UGT1A9: variants seen among roughly 807,000 people sequenced by gnomAD.
UGT1A9 encodes the protein UDP glucuronosyltransferase family 1 member A9.
Under a neutral mutation model 45.0 loss-of-function variants are expected in UGT1A9, and 35 were observed. That is an observed-to-expected ratio of 0.78 (90% confidence interval 0.59 to 1.03). The LOEUF is 1.03. Ranked by LOEUF, UGT1A9 falls within the 50% of genes least tolerant of loss-of-function variation. The pLI is 0.00. For missense variants in UGT1A9, 687 were observed against 666.6 expected (o/e 1.03, Z -0.34); for synonymous variants, 278 against 250.6 (o/e 1.11, Z -1.03).
chr2:233,708,617 A>T (rs1206413155), intron 1 of UGT1A9: 2 of 152,068 alleles, frequency 1.3e-5, no homozygotes, highest in African/African-American at 4.8e-5. Flanking sequence ...TGGACATGGT[A>T]GCGTGTGCCT....
rs774683875 is a variant in UGT1A9 at position 233,713,284 on chromosome 2, A to C, written c.855+40495A>C. 1.9e-6 allele frequency: 3 copies of C among 1,614,270 alleles called. No individual in the cohort carries two copies. The East Asian group carries it at 6.7e-5, about 36-fold the overall frequency. On this transcript the variant is annotated intron_variant, in intron 1 of 4. Coordinates refer to ENST00000354728, the MANE Select transcript of UGT1A9 (RefSeq NM_021027.3). ...GATCGCCTTTTGCTGGGTCACACTCAATCGTTCTTTGAAACAGAACATCTT... is the reference window on the plus strand; with the variant it reads ...GATCGCCTTTTGCTGGGTCACACTCCATCGTTCTTTGAAACAGAACATCTT...
At chr2:233,760,220 G>C (rs1697349973) in intron 1 of UGT1A9, 2 of 1,593,686 alleles carry the variant, frequency 1.3e-6, no homozygotes, top group South Asian at 2.2e-5. Flanking sequence ...TTGGTGTATC[G>C]ATTGGTTTTT....
rs574257373 is a variant in UGT1A9 at position 233,696,291 on chromosome 2, A to G, written c.855+23502A>G. Among the ~76,000 whole-genome samples, 4 of 152,342 alleles carry G rather than the reference A, an allele frequency of 2.6e-5. No homozygotes were observed. In the East Asian group the frequency reaches 7.7e-4, roughly 29 times the overall value. On this transcript the variant is annotated intron_variant, in intron 1 of 4. Transcript: ENST00000354728. ...TGGATAAAGAAAACGTAGGACTGTA[A>G]TATCGTGAAATATATATTTGGTCTT... is the stretch of plus-strand genomic sequence containing the variant.
At chr2:233,756,352 C>G (rs1022933251) in intron 1 of UGT1A9, 1 of 152,152 alleles carries the variant, frequency 6.6e-6, no homozygotes, top group African/African-American at 2.4e-5. Flanking sequence ...ATTACTTTTA[C>G]CTAATAAATG....
At chr2:233,743,209 T>C (rs879874451) in intron 1 of UGT1A9, 11 of 398,276 alleles carry the variant, frequency 2.8e-5, no homozygotes, top group Admixed American at 1.6e-4. Context: ...CAATGCGGAG[T>C]AACTGCTCTT....
rs45594938 is a variant in UGT1A9 at position 233,691,504 on chromosome 2, G to C, written c.855+18715G>C. The C allele has an allele frequency of 8.0e-4, 790 of 985,758 alleles. 9 individuals carry two copies. In the African/African-American group the frequency reaches 0.013, roughly 16 times the overall value. The allele number at this position is 985,758 out of a possible 1,614,324, so 61.1% of individuals were successfully genotyped here. A position where few individuals can be genotyped will look rare whatever the true frequency, so the allele number is the denominator to read the frequency against. On this transcript the variant is annotated intron_variant, in intron 1 of 4. Transcript: ENST00000354728. ...CTTGTGGGTGGGAACAGGAACTCGC[G>C]TGCCAGCCAGGTGTGCATGACTAGC...
At chr2:233,728,376 T>C (rs1983023) in intron 1 of UGT1A9, among the ~76,000 whole-genome samples, 69,101 of 151,732 alleles carry the variant, frequency 0.46, 17,142 homozygotes, top group African/African-American at 0.66. Context: ...ACCATGGGTC[T>C]TTGCTAGGGT....
intron 1 of UGT1A9, chr2:233,693,748 G>A: frequency 1.2e-6 from 2 of 1,614,248 alleles, no homozygotes; most frequent in Non-Finnish European, 1.7e-6. Context: ...CCTTATATCA[G>A]AAGGTCTCTG....
At chr2:233,755,412 C>T in intron 1 of UGT1A9, 1 of 330,878 alleles carries the variant, frequency 3.0e-6, no homozygotes, top group Non-Finnish European at 5.9e-6. Context: ...TGGCCGAGGC[C>T]TGTGAGCGCC....
At chr2:233,689,824 G>A (rs2074961035) in intron 1 of UGT1A9, 1 of 450,264 alleles carries the variant, frequency 2.2e-6, no homozygotes, top group African/African-American at 2.0e-5. Flanking sequence ...AACATCTCTG[G>A]ACTCTAACTT....
intron 1 of UGT1A9, among the ~76,000 whole-genome samples, chr2:233,746,400 G>T (rs1245323229): frequency 6.6e-6 from 1 of 151,734 alleles, no homozygotes. Context: ...GGAGCTGGGA[G>T]TGTGTCCAAT....
intron 1 of UGT1A9, among the ~76,000 whole-genome samples, chr2:233,695,134 T>C (rs112070935): frequency 8.5e-5 from 6 of 70,536 alleles, no homozygotes; most frequent in South Asian, 5.4e-4. Context: ...TCTTTTCTTT[T>C]TTTTTTTTTT....
rs769416194 is a variant in UGT1A9 at position 233,748,156 on chromosome 2, T to A, written c.856-18878T>A. On this transcript the variant is annotated intron_variant, in intron 1 of 4. Coordinates refer to ENST00000354728, the MANE Select transcript of UGT1A9 (RefSeq NM_021027.3). ...AAAATTGTATTTACTTACAATTGCT[T>A]CCATATCTACTTATCTTTCTGGTGC... is the stretch of plus-strand genomic sequence containing the variant. The A allele has an allele frequency of 2.7e-4, 434 of 1,601,764 alleles. 1 individual carries two copies. Among genetic ancestry groups the A allele is most frequent in the Non-Finnish European group, 3.4e-4 (402 of 1,173,972 alleles).
chr2:233,753,820 G>C (rs1695319484), intron 1 of UGT1A9, among the ~76,000 whole-genome samples: 1 of 152,168 alleles, frequency 6.6e-6, no homozygotes, highest in African/African-American at 2.4e-5. Context: ...AACCACGTTA[G>C]GGCTGAAGAC....
chr2:233,699,373 A>G (rs28898581), intron 1 of UGT1A9, among the ~76,000 whole-genome samples: 1,596 of 152,294 alleles, frequency 0.01, 34 homozygotes, highest in African/African-American at 0.036. Flanking sequence ...GTATGGCTAG[A>G]TTTCAAATAT....
rs1700541312 is a variant in UGT1A9 at position 233,772,678 on chromosome 2, A to T, written c.*119A>T. On this transcript the variant is annotated 3_prime_UTR_variant, in exon 5 of 5. Transcript: ENST00000354728. ...TTAAGGAAATACTTTGCATAAATTA[A>T]TCAGCCCCAGAGTGCTTTAAAAAAT... The T allele has an allele frequency of 6.5e-7, 1 of 1,531,784 alleles. No homozygotes were observed. The highest frequency in any genetic ancestry group is 1.4e-5 in the African/African-American group (1 of 72,498). 94.9% of individuals were successfully genotyped at this position (1,531,784 alleles called of 1,614,324 possible).
In UGT1A9 at chr2:233,744,010, C is replaced by A; in HGVS notation, c.856-23024C>A. 3.5e-6 allele frequency: 4 copies of A among 1,130,890 alleles called. No individual in the cohort carries two copies. In the South Asian group the frequency reaches 4.3e-5, roughly 12 times the overall value. 70.1% of individuals were successfully genotyped at this position (1,130,890 alleles called of 1,614,324 possible). On this transcript the variant is annotated intron_variant, in intron 1 of 4. Transcript: ENST00000354728. ...AGGCCCGAGTGCTCGGAGACCTGGG[C>A]CGCCTGGAGAGACGCCCCTTATGAC...
chr2:233,718,804 C>T (rs748979755), intron 1 of UGT1A9: 52 of 1,613,118 alleles, frequency 3.2e-5, no homozygotes, highest in African/African-American at 4.0e-5. Context: ...AGTCAGCTGT[C>T]GGTGGCTTCT....
At chr2:233,743,767 G>A (rs374421270) in intron 1 of UGT1A9, 102 of 1,367,178 alleles carry the variant, frequency 7.5e-5, no homozygotes, top group Admixed American at 1.9e-4. Flanking sequence ...CGTAGGCCTC[G>A]GCCACCTGCT....
Sources: allele counts gnomAD v4.1 joint callset (sites outside exome capture counted in the v4.1 genomes callset), GRCh38; gene constraint gnomAD v4.1.1; transcripts MANE v1.5; gene names NCBI Gene and HGNC (gene_info 2026-07-23, HGNC 2026-07-21).